Variants in TTC27 observed in about 807,000 individuals in gnomAD.
The protein encoded by TTC27 is tetratricopeptide repeat domain 27.
TTC27 carries 79 observed loss-of-function variants against 115.9 expected under a neutral mutation model. The ratio of observed to expected loss-of-function variants is 0.68; its 90% CI spans 0.57 to 0.82. The LOEUF is 0.82. Ranked by LOEUF, TTC27 falls within the 40% of genes least tolerant of loss-of-function variation. The pLI is 0.00. For missense variants in TTC27, 1,054 were observed against 993.1 expected (o/e 1.06, Z -0.82); for synonymous variants, 401 against 356.0 (o/e 1.13, Z -1.42).
intron 13 of TTC27, among the ~76,000 whole-genome samples, chr2:32,768,575 C>A (rs111546514): frequency 2.0e-5 from 3 of 152,298 alleles, no homozygotes; most frequent in African/African-American, 7.2e-5. Context: ...AACTAGTTTC[C>A]AAAGGGCCTT....
At chr2:32,767,463 T>TTTG (rs1669675547) in intron 13 of TTC27, among the ~76,000 whole-genome samples, 1 of 142,372 alleles carries the variant, frequency 7.0e-6, no homozygotes, top group Non-Finnish European at 1.5e-5. Context: ...GTTTTTTTTT[T>TTTG]TTTTTTTGAG....
intron 12 of TTC27, among the ~76,000 whole-genome samples, chr2:32,737,152 A>T (rs1372244526): frequency 6.6e-6 from 1 of 152,140 alleles, no homozygotes; most frequent in Non-Finnish European, 1.5e-5. Context: ...GCCTCAATGG[A>T]GGTTCCCTAG....
chr2:32,747,415 A>G (rs1473566280), intron 12 of TTC27, among the ~76,000 whole-genome samples: 1 of 152,210 alleles, frequency 6.6e-6, no homozygotes, highest in African/African-American at 2.4e-5. Flanking sequence ...TGCTCAAAAT[A>G]CATTAGCTTA....
Position 32,807,405 on chromosome 2 carries a change from A to G in TTC27, c.1999-3619A>G, listed in dbSNP as rs576990569. Among the ~76,000 whole-genome samples the G allele has an allele frequency of 2.6e-5, 4 of 152,244 alleles. No homozygotes were observed. The South Asian group carries it at 8.3e-4, about 32-fold the overall frequency. On this transcript the variant is annotated intron_variant, in intron 16 of 19. Transcript: ENST00000317907. ...TTGCACATTTCCATATTTCATATTA[A>G]TAGTTACTATATTGCTGTTATTTTT...
At chr2:32,733,680 G>A (rs1354332684) in intron 10 of TTC27, 148 bp from the exon 11 acceptor site, 3 of 429,192 alleles carry the variant, frequency 7.0e-6, no homozygotes, top group African/African-American at 2.0e-5. Flanking sequence ...AAAGAAATTC[G>A]AGAAAAAATT....
At chr2:32,796,724 G>A (rs901814071) in intron 16 of TTC27, among the ~76,000 whole-genome samples, 5 of 152,142 alleles carry the variant, frequency 3.3e-5, no homozygotes, top group African/African-American at 4.8e-5. Context: ...AAAGCTAGGG[G>A]ACTCATGCTT....
At chr2:32,785,656 C>T (rs141456132) in intron 15 of TTC27, among the ~76,000 whole-genome samples, 1,692 of 151,580 alleles carry the variant, frequency 0.011, 32 homozygotes, top group African/African-American at 0.038. Context: ...AGTGCAGTGG[C>T]GCGATCTCAG....
chr2:32,786,776 A>G (rs1670361366), intron 15 of TTC27, among the ~76,000 whole-genome samples: 1 of 152,208 alleles, frequency 6.6e-6, no homozygotes, highest in Admixed American at 6.5e-5. Flanking sequence ...ATATCTCTGT[A>G]TGTATGCTAC....
At chr2:32,789,499 A>T in intron 16 of TTC27, among the ~76,000 whole-genome samples, 1 of 152,198 alleles carries the variant, frequency 6.6e-6, no homozygotes, top group Non-Finnish European at 1.5e-5. Context: ...ATAGATACCA[A>T]AGGATATAAT....
intron 13 of TTC27, among the ~76,000 whole-genome samples, chr2:32,759,362 A>G (rs1052151937): frequency 1.3e-5 from 2 of 152,242 alleles, no homozygotes; most frequent in Non-Finnish European, 2.9e-5. Context: ...GCATTTTGCT[A>G]GTATTCGAAT....
At chr2:32,787,270 A>C (rs970698120) in intron 16 of TTC27, 121 bp downstream of exon 16, 66 of 1,103,282 alleles carry the variant, frequency 6.0e-5, no homozygotes, top group Non-Finnish European at 8.2e-5. Flanking sequence ...AACATATGAA[A>C]AGGGTATTTT....
At chr2:32,770,213 C>T (rs1335140943) in intron 13 of TTC27, among the ~76,000 whole-genome samples, 1 of 152,184 alleles carries the variant, frequency 6.6e-6, no homozygotes, top group Non-Finnish European at 1.5e-5. Context: ...AGTATTTACT[C>T]AGTGCCAGGT....
intron 5 of TTC27, 120 bp downstream of exon 5, chr2:32,650,353 CTTTTT>C (rs368973893): frequency 0.027 from 5,721 of 210,014 alleles, no homozygotes; most frequent in Middle Eastern, 0.044. Context: ...TGAGTTGTTT[CTTTTT>C]TTTTTTTTTT....
intron 16 of TTC27, among the ~76,000 whole-genome samples, chr2:32,802,188 C>T (rs1336835917): frequency 1.3e-5 from 2 of 151,930 alleles, no homozygotes. Context: ...GATGAAAAGG[C>T]AAGTGGGCCT....
At chr2:32,801,803 T>G (rs1353591299) in intron 16 of TTC27, among the ~76,000 whole-genome samples, 3 of 152,132 alleles carry the variant, frequency 2.0e-5, no homozygotes, top group Non-Finnish European at 4.4e-5. Context: ...TTGCCTTTAG[T>G]GAACACCACC....
At chr2:32,659,245 G>A (rs556496293) in intron 5 of TTC27, among the ~76,000 whole-genome samples, 46 of 152,162 alleles carry the variant, frequency 3.0e-4, no homozygotes, top group South Asian at 2.1e-3. Flanking sequence ...GGATTATAGC[G>A]TGAGCCACGA....
At chr2:32,661,051 T>C (rs1427123215) in intron 5 of TTC27, among the ~76,000 whole-genome samples, 1 of 152,192 alleles carries the variant, frequency 6.6e-6, no homozygotes, top group Non-Finnish European at 1.5e-5. Context: ...CTTGTTTTTG[T>C]CATGTTTGTC....
intron 13 of TTC27, among the ~76,000 whole-genome samples, chr2:32,760,668 C>A (rs1482161434): frequency 2.0e-5 from 3 of 152,092 alleles, no homozygotes; most frequent in Non-Finnish European, 2.9e-5. Flanking sequence ...TTCTGAAAAA[C>A]TGTATCATAT....
chr2:32,770,721 T>A (rs1261961577), intron 13 of TTC27, among the ~76,000 whole-genome samples: 1 of 152,218 alleles, frequency 6.6e-6, no homozygotes, highest in Non-Finnish European at 1.5e-5. Context: ...GACATTTTAA[T>A]CATCTTAGCG....
Sources: gnomAD v4.1 joint callset for allele counts (sites outside exome capture counted in the v4.1 genomes callset) on GRCh38, gnomAD v4.1.1 for gene constraint, MANE v1.5 for transcripts, NCBI Gene and HGNC (gene_info 2026-07-23, HGNC 2026-07-21) for gene names.